PTPRD: variants seen among roughly 807,000 people sequenced by gnomAD.
The protein encoded by PTPRD is protein tyrosine phosphatase receptor type D.
PTPRD carries 34 observed loss-of-function variants against 214.5 expected under a neutral mutation model. The ratio of observed to expected loss-of-function variants is 0.16; its 90% CI spans 0.12 to 0.21. The LOEUF is 0.21. Among genes scored for constraint, PTPRD ranks in the 10% least tolerant of loss-of-function variants. The pLI is 1.00. For missense variants in PTPRD, 2,545 were observed against 2,398.7 expected (o/e 1.06, Z -1.27); for synonymous variants, 1,128 against 845.7 (o/e 1.33, Z -5.79).
chr9:10,448,667 C>T (rs2098816000), intron 2 of PTPRD, among the ~76,000 whole-genome samples: 1 of 151,998 alleles, frequency 6.6e-6, no homozygotes, highest in African/African-American at 2.4e-5. Context: ...TCCTATTTTA[C>T]ATCTGAGGAT....
intron 2 of PTPRD, among the ~76,000 whole-genome samples, chr9:10,386,125 T>G (rs1325143179): frequency 6.6e-6 from 1 of 151,850 alleles, no homozygotes; most frequent in Non-Finnish European, 1.5e-5. Flanking sequence ...TATCCAGAAT[T>G]TAAAATCCAC....
At chr9:9,837,495 A>G (rs1270014418) in intron 5 of PTPRD, among the ~76,000 whole-genome samples, 1 of 152,122 alleles carries the variant, frequency 6.6e-6, no homozygotes, top group African/African-American at 2.4e-5. Flanking sequence ...AGTGTCGCAT[A>G]TAAAAGTCAA....
chr9:9,740,911 T>C (rs970218759), intron 6 of PTPRD, among the ~76,000 whole-genome samples: 4 of 152,058 alleles, frequency 2.6e-5, no homozygotes, highest in Admixed American at 2.6e-4. Flanking sequence ...ACAACATAGA[T>C]GGTAGTATAT....
intron 12 of PTPRD, among the ~76,000 whole-genome samples, chr9:8,707,188 A>T (rs1402606380): frequency 6.6e-6 from 1 of 152,210 alleles, no homozygotes; most frequent in Non-Finnish European, 1.5e-5. Flanking sequence ...ATGTGGGTAT[A>T]TTACGGAACT....
chr9:9,948,509 T>G (rs1444489805), intron 4 of PTPRD, among the ~76,000 whole-genome samples: 1 of 151,978 alleles, frequency 6.6e-6, no homozygotes, highest in Non-Finnish European at 1.5e-5. Flanking sequence ...TAAAGGATAA[T>G]AAAAGTAAAA....
chr9:8,954,043 C>A (rs931895949), intron 11 of PTPRD, among the ~76,000 whole-genome samples: 7 of 151,942 alleles, frequency 4.6e-5, no homozygotes, highest in African/African-American at 1.7e-4. Flanking sequence ...CACATGCACT[C>A]ATATGTTCAT....
intron 8 of PTPRD, among the ~76,000 whole-genome samples, chr9:9,438,539 G>T (rs533757667): frequency 1.3e-5 from 2 of 152,276 alleles, no homozygotes; most frequent in South Asian, 4.1e-4. Flanking sequence ...GAATCTAAAT[G>T]TGTTAGCAAA....
chr9:8,315,395 G>A lies in PTPRD; in HGVS notation c.*2479C>T, dbSNP rs1821114909. Reference sequence around the variant, plus strand: ...TCATTCTGGTGTGCAGTGCTCCATCGGATTCTACATGTCCAACAAGGCATG... The same window carrying A: ...TCATTCTGGTGTGCAGTGCTCCATCAGATTCTACATGTCCAACAAGGCATG... On this transcript the variant is annotated 3_prime_UTR_variant, in exon 46 of 46. Transcript: ENST00000381196. 1 of 232,484 alleles carries A rather than the reference G, an allele frequency of 4.3e-6. No individual in the cohort carries two copies. Among genetic ancestry groups the A allele is most frequent in the South Asian group, 1.8e-4 (1 of 5,524 alleles). 14.4% of individuals were successfully genotyped at this position (232,484 alleles called of 1,614,324 possible).
chr9:10,545,972 A>C (rs1374213834), intron 2 of PTPRD, among the ~76,000 whole-genome samples: 1 of 152,156 alleles, frequency 6.6e-6, no homozygotes, highest in Non-Finnish European at 1.5e-5. Context: ...GCATCTTAGC[A>C]CATTCGACTA....
intron 10 of PTPRD, among the ~76,000 whole-genome samples, chr9:9,134,825 T>G (rs146139776): frequency 1.4e-5 from 2 of 145,720 alleles, no homozygotes; most frequent in East Asian, 2.1e-4. Context: ...GTGTGTGTGT[T>G]TTCACTCTAT....
At chr9:9,245,123 A>C (rs781691703) in intron 9 of PTPRD, among the ~76,000 whole-genome samples, 26 of 152,320 alleles carry the variant, frequency 1.7e-4, no homozygotes, top group Non-Finnish European at 3.7e-4. Flanking sequence ...CAATCATTAA[A>C]ATGTCAGGTA....
At chr9:9,504,177 C>G (rs2096512675) in intron 8 of PTPRD, among the ~76,000 whole-genome samples, 1 of 151,610 alleles carries the variant, frequency 6.6e-6, no homozygotes, top group African/African-American at 2.4e-5. Context: ...TAGTCTAAGG[C>G]TTTTTCTAAA....
intron 10 of PTPRD, among the ~76,000 whole-genome samples, chr9:9,025,828 AG>A (rs2099585173): frequency 6.6e-6 from 1 of 152,058 alleles, no homozygotes; most frequent in African/African-American, 2.4e-5. Flanking sequence ...CTGCGTGATT[AG>A]AAAAAAATGT....
intron 8 of PTPRD, among the ~76,000 whole-genome samples, chr9:9,516,073 G>C (rs1233026512): frequency 1.3e-5 from 2 of 152,024 alleles, no homozygotes; most frequent in Admixed American, 6.6e-5. Flanking sequence ...TAACCTTCAA[G>C]TTCTTGGGAT....
chr9:9,040,953 G>A (rs1274844734), intron 10 of PTPRD, among the ~76,000 whole-genome samples: 1 of 152,084 alleles, frequency 6.6e-6, no homozygotes, highest in South Asian at 2.1e-4. Context: ...ACAATGACTT[G>A]TGCACTGCCC....
At chr9:10,158,446 C>T (rs1592708546) in intron 3 of PTPRD, among the ~76,000 whole-genome samples, 1 of 152,158 alleles carries the variant, frequency 6.6e-6, no homozygotes, top group South Asian at 2.1e-4. Context: ...TCTGTTAATA[C>T]ACTGTTGGAT....
intron 7 of PTPRD, among the ~76,000 whole-genome samples, chr9:9,626,678 A>G (rs1282465433): frequency 6.6e-6 from 1 of 152,226 alleles, no homozygotes; most frequent in Non-Finnish European, 1.5e-5. Flanking sequence ...TACTGTACAT[A>G]TAATATTTAA....
intron 8 of PTPRD, among the ~76,000 whole-genome samples, chr9:9,498,937 TTC>T (rs540852248): frequency 2.0e-5 from 3 of 149,672 alleles, no homozygotes; most frequent in African/African-American, 7.4e-5. Flanking sequence ...GGCTTATTTT[TTC>T]TCTCTCTGTC....
intron 2 of PTPRD, among the ~76,000 whole-genome samples, chr9:10,431,140 C>T (rs572807029): frequency 6.6e-6 from 1 of 151,970 alleles, no homozygotes; most frequent in African/African-American, 2.4e-5. Flanking sequence ...CTAAAAGTCT[C>T]CTTTTATTGA....
Sources: allele counts gnomAD v4.1 joint callset (sites outside exome capture counted in the v4.1 genomes callset), GRCh38; gene constraint gnomAD v4.1.1; transcripts MANE v1.5; gene names NCBI Gene and HGNC (gene_info 2026-07-23, HGNC 2026-07-21).